Variants in LINGO3 observed in about 807,000 individuals in gnomAD.
LINGO3 encodes the protein leucine-rich repeat and immunoglobulin-like domain-containing nogo receptor-interacting protein 3.
For missense variants in LINGO3, 750 were observed against 867.7 expected (o/e 0.86, Z 1.70); for synonymous variants, 427 against 444.2 (o/e 0.96, Z 0.49).
At chr19:2,302,934 C>T in the LINGO3 span, among the ~76,000 whole-genome samples, 6 of 152,252 alleles carry the variant, frequency 3.9e-5, no homozygotes, top group Admixed American at 1.3e-4. Context: ...TGCCTGGTGC[C>T]GCGCGGGTGC....
upstream of LINGO3, among the ~76,000 whole-genome samples, chr19:2,294,517 C>T (rs940214634): frequency 2.6e-5 from 4 of 152,052 alleles, no homozygotes; most frequent in South Asian, 2.1e-4. The surrounding 1 kb of genome is among the most constrained non-coding windows in gnomAD (Gnocchi z 4.3). Context: ...CCATGGTTTT[C>T]TGGAGGAAGG....
At chr19:2,291,611 T>G in exon 1 of LINGO3, 1 of 1,495,604 alleles carries the variant, frequency 6.7e-7, no homozygotes, top group Non-Finnish European at 8.8e-7. Context: ...AGCAGGCGGG[T>G]CTCGGCCGGG....
chr19:2,300,472 C>A, the LINGO3 span, among the ~76,000 whole-genome samples: 10 of 151,972 alleles, frequency 6.6e-5, no homozygotes, highest in African/African-American at 2.4e-5. Context: ...CTGCCACCCA[C>A]CTGGGGCATT....
the LINGO3 span, among the ~76,000 whole-genome samples, chr19:2,307,278 AC>A: frequency 6.6e-6 from 1 of 152,188 alleles, no homozygotes; most frequent in African/African-American, 2.4e-5. Flanking sequence ...ACTCCTCAGA[AC>A]TGGGGGGGCC....
chr19:2,307,124 C>G, the LINGO3 span, among the ~76,000 whole-genome samples: 1 of 152,180 alleles, frequency 6.6e-6, no homozygotes, highest in African/African-American at 2.4e-5. Context: ...CCAGATCGTC[C>G]CTCTGCAAAT....
At chr19:2,287,498 C>T (rs546834663), downstream of LINGO3, among the ~76,000 whole-genome samples, 7 of 152,214 alleles carry the variant, frequency 4.6e-5, no homozygotes, top group African/African-American at 2.4e-5. The surrounding 1 kb of genome is among the most constrained non-coding windows in gnomAD (Gnocchi z 4.5). Flanking sequence ...TCACTCATGT[C>T]GAGCCCCCTG....
chr19:2,291,207 G>A (rs373190066), exon 1 of LINGO3: 33 of 1,610,208 alleles, frequency 2.0e-5, no homozygotes, highest in African/African-American at 5.3e-5. Context: ...GCGACTCCCC[G>A]GACAGAGCCG....
chr19:2,290,223 C>T lies in LINGO3; in HGVS notation c.1554G>A (p.Leu518=). ...TGGTGGTGAGGTCGAGCGGCGCGCG[C>T]AGGGCCGCCAGCGTCTCGTTGTGGG... The change falls in exon 1 of 1, where the codon CTG becomes CTA. Residue 518 remains leucine (L), a synonymous_variant. Coordinates refer to ENST00000585527, the Ensembl canonical transcript of LINGO3. This position sits in a 1 kb window ranked among gnomAD's most constrained non-coding sequence, Gnocchi z 6.0. The T allele has an allele frequency of 6.2e-7, 1 of 1,606,190 alleles. No individual in the cohort carries two copies. The highest frequency in any genetic ancestry group is 1.1e-5 in the South Asian group (1 of 90,798).
rs1442197429 is a variant in LINGO3, at chr19:2,290,618, C to T, written c.1159G>A (p.Gly387Ser). The change falls in exon 1 of 1, where the codon GGC (glycine) becomes AGC (serine). Residue 387 changes from glycine (G) to serine (S), a missense_variant. Transcript: ENST00000585527. The surrounding 1 kb of genome is among the most constrained non-coding windows in gnomAD (Gnocchi z 6.0). ...TCCGGCAGGTTTCGCAGCGCGTCGC[C>T]GCGCACCTCGGCCGGGGTGGCGCAG... is the stretch of plus-strand genomic sequence containing the variant. The T allele has an allele frequency of 1.3e-6, 2 of 1,593,026 alleles. No individual in the cohort carries two copies. Among genetic ancestry groups the T allele is most frequent in the Non-Finnish European group, 8.5e-7 (1 of 1,173,886 alleles).
chr19:2,299,813 C>G, the LINGO3 span, among the ~76,000 whole-genome samples: 9 of 147,132 alleles, frequency 6.1e-5, no homozygotes, highest in African/African-American at 2.3e-4. Context: ...AAGCTTCGCC[C>G]CCTGGGTTCA....
Position 2,290,964 on chromosome 19 carries a change from G to C in LINGO3, c.813C>G (p.His271Gln), listed in dbSNP as rs2025513623. The change falls in exon 1 of 1, where the codon CAC becomes CAG. Residue 271 changes from histidine (H) to glutamine (Q), a missense_variant. By Grantham distance (24) the His-to-Gln change is conservative (BLOSUM62 0). Transcript: ENST00000585527. The surrounding 1 kb of genome is among the most constrained non-coding windows in gnomAD (Gnocchi z 6.0). Reference sequence around the variant, plus strand: ...TGTGCGACAGATTGAGGCAGGTGAGGTGCGCCTGGTGCCGCAGCGCGGCGG... The same window carrying C: ...TGTGCGACAGATTGAGGCAGGTGAGCTGCGCCTGGTGCCGCAGCGCGGCGG... 6.2e-7 allele frequency: 1 copy of C among 1,611,802 alleles called. No individual in the cohort carries two copies. Among genetic ancestry groups the C allele is most frequent in the African/African-American group, 1.3e-5 (1 of 74,920 alleles).
At chr19:2,289,596 G>A (rs1440594267), downstream of LINGO3, among the ~76,000 whole-genome samples, 2 of 151,996 alleles carry the variant, frequency 1.3e-5, no homozygotes, top group East Asian at 3.9e-4. Context: ...CAAAGGGCTG[G>A]GGGAGCGGAA....
exon 1 of LINGO3, chr19:2,291,675 C>T (rs2025524932): frequency 7.4e-7 from 1 of 1,351,050 alleles, no homozygotes; most frequent in East Asian, 3.3e-5. Flanking sequence ...CCGCGCGGGT[C>T]TGCACGGTGC....
chr19:2,300,087 A>C, the LINGO3 span, among the ~76,000 whole-genome samples: 3 of 139,120 alleles, frequency 2.2e-5, no homozygotes, highest in Non-Finnish European at 4.6e-5. Context: ...CTGAGAGTGC[A>C]ATGGCGCGAT....
chr19:2,291,252 G>A (rs576574364), exon 1 of LINGO3: 1 of 1,612,044 alleles, frequency 6.2e-7, no homozygotes, highest in Non-Finnish European at 8.5e-7. Context: ...GCTCCTCCAG[G>A]GCCAGCAGCC....
In LINGO3 at chr19:2,290,580, G is replaced by C; in HGVS notation, c.1197C>G (p.Phe399Leu). The C allele has an allele frequency of 5.7e-6, 9 of 1,573,646 alleles. No homozygotes were observed. The highest frequency in any genetic ancestry group is 1.3e-5 in the African/African-American group (1 of 74,266). The change falls in exon 1 of 1, where the codon TTC (phenylalanine) becomes TTG (leucine). Residue 399 changes from phenylalanine to leucine, a missense_variant. Phe to Leu is a conservative substitution (Grantham distance 22, BLOSUM62 0). Transcript: ENST00000585527. The surrounding 1 kb of genome is among the most constrained non-coding windows in gnomAD (Gnocchi z 6.0). ...TGGGTTTGCGGCACACGAAGTACTC[G>C]AACAGCACGGAGTCCGGCAGGTTTC...
chr19:2,303,945 T>C, the LINGO3 span, among the ~76,000 whole-genome samples: 1 of 152,208 alleles, frequency 6.6e-6, no homozygotes, highest in African/African-American at 2.4e-5. Flanking sequence ...TCTCTGAGCC[T>C]CAGTTTCCTC....
At chr19:2,307,537 G>A in the LINGO3 span, among the ~76,000 whole-genome samples, 3 of 152,106 alleles carry the variant, frequency 2.0e-5, no homozygotes, top group African/African-American at 4.8e-5. Flanking sequence ...CAGAGCAGGG[G>A]GACTCAGCCC....
the LINGO3 span, among the ~76,000 whole-genome samples, chr19:2,299,812 C>T: frequency 2.7e-5 from 4 of 150,364 alleles, no homozygotes; most frequent in Non-Finnish European, 4.4e-5. Flanking sequence ...CAAGCTTCGC[C>T]CCCTGGGTTC....
Sources: gnomAD v4.1 joint callset for allele counts (sites outside exome capture counted in the v4.1 genomes callset) on GRCh38, gnomAD v4.1.1 for gene constraint, Gnocchi (gnomAD v3.1) non-coding constraint, MANE v1.5 for transcripts, NCBI Gene and HGNC (gene_info 2026-07-23, HGNC 2026-07-21) for gene names.